Variants in NALCN observed in about 807,000 individuals in gnomAD.
NALCN encodes the protein sodium leak channel, non-selective.
Under a neutral mutation model 225.3 loss-of-function variants are expected in NALCN, and 111 were observed. The observed-to-expected ratio is 0.49, with a 90% CI of 0.42 to 0.58. The LOEUF is 0.58. Among genes scored for constraint, NALCN ranks in the 20% least tolerant of loss-of-function variants. NALCN has a pLI of 0.00. For missense variants in NALCN, 1,378 were observed against 2,202.4 expected, an observed-to-expected ratio of 0.63 and a Z score of 7.49; for synonymous variants, 764 against 769.0, an observed-to-expected ratio of 0.99 and a Z score of 0.11.
chr13:101,413,923 C>T lies in NALCN; in HGVS notation c.-40+2390G>A, dbSNP rs566470687. Among the ~76,000 whole-genome samples, 24 of 152,254 alleles carry T rather than the reference C, an allele frequency of 1.6e-4. No homozygotes were observed. In the East Asian group the frequency reaches 3.3e-3, roughly 21 times the overall value. Reference sequence around the variant, plus strand: ...AACAGAGTCTCACTCTGTGCCCAGTCGCCCATTCTAGAGTACAGTGGTGCC... The same window carrying T: ...AACAGAGTCTCACTCTGTGCCCAGTTGCCCATTCTAGAGTACAGTGGTGCC... On this transcript the variant is annotated intron_variant, in intron 1 of 43. Transcript: ENST00000251127.
chr13:101,365,157 T>C (rs1034293362), intron 6 of NALCN, among the ~76,000 whole-genome samples: 15 of 152,148 alleles, frequency 9.9e-5, no homozygotes, highest in Admixed American at 3.3e-4. Flanking sequence ...CTAATAAGCA[T>C]AGCACCCGAT....
At chr13:101,191,016 A>G (rs1237706398) in intron 14 of NALCN, among the ~76,000 whole-genome samples, 1 of 152,206 alleles carries the variant, frequency 6.6e-6, no homozygotes. Flanking sequence ...ATCATCTGTT[A>G]ACTGGGAATA....
At chr13:101,407,093 C>G (rs1353727798) in intron 1 of NALCN, among the ~76,000 whole-genome samples, 1 of 152,072 alleles carries the variant, frequency 6.6e-6, no homozygotes, top group Non-Finnish European at 1.5e-5. Flanking sequence ...TCTGTCATAC[C>G]CAAAATCCAA....
intron 7 of NALCN, among the ~76,000 whole-genome samples, chr13:101,302,570 T>G (rs1043746285): frequency 6.6e-6 from 1 of 152,188 alleles, no homozygotes; most frequent in African/African-American, 2.4e-5. Flanking sequence ...AAGTTCTTAT[T>G]TGTATTACGA....
At chr13:101,251,273 T>A (rs2140192261) in intron 11 of NALCN, among the ~76,000 whole-genome samples, 1 of 152,198 alleles carries the variant, frequency 6.6e-6, no homozygotes. Context: ...ACAAATAAAT[T>A]CATGCTTCAA....
rs749996043 is a variant in NALCN at position 101,062,006 on chromosome 13, G to A, written c.4717C>T (p.Arg1573Cys). 4.3e-6 allele frequency: 7 copies of A among 1,613,910 alleles called. No homozygotes were observed. The highest frequency in any genetic ancestry group is 1.1e-5 in the South Asian group (1 of 91,072). ...IEEEVAKQTI[R>C]MWLKKCLKRI... ...TTCAGGCACTTCTTGAGCCACATGCGGATGGTCTGCTTGGCCACCTCCTCC... is the reference window on the plus strand; with the variant it reads ...TTCAGGCACTTCTTGAGCCACATGCAGATGGTCTGCTTGGCCACCTCCTCC... Residue 1573 changes from arginine to cysteine, a missense_variant, in exon 41 of 44, where the codon CGC (arginine) becomes TGC (cysteine). Coordinates refer to ENST00000251127, the MANE Select transcript of NALCN (RefSeq NM_052867.4).
At chr13:101,140,617 A>T (rs1313422049) in intron 17 of NALCN, among the ~76,000 whole-genome samples, 1 of 152,238 alleles carries the variant, frequency 6.6e-6, no homozygotes, top group Non-Finnish European at 1.5e-5. Context: ...TAGTCCACGC[A>T]AACTGCAATT....
At chr13:101,214,484 T>TCA (rs1284890041) in intron 13 of NALCN, among the ~76,000 whole-genome samples, 12 of 151,094 alleles carry the variant, frequency 7.9e-5, no homozygotes, top group Admixed American at 5.9e-4. Context: ...CATGGAGTAC[T>TCA]GTTTCTTCTT....
chr13:101,251,696 G>A lies in NALCN; in HGVS notation c.1266+6747C>T, dbSNP rs1052343632. Among the ~76,000 whole-genome samples the A allele has an allele frequency of 1.5e-4, 23 of 152,002 alleles. 1 individual carries two copies. The highest frequency in any genetic ancestry group is 5.9e-5 in the Non-Finnish European group (4 of 67,982). On this transcript the variant is annotated intron_variant, in intron 11 of 43. Coordinates refer to ENST00000251127, the MANE Select transcript of NALCN (RefSeq NM_052867.4). Reference sequence around the variant, plus strand: ...AAAATAATCATATTAATACACAAAGGCTAATGGTTGCTTCTGACATCATAG... The same window carrying A: ...AAAATAATCATATTAATACACAAAGACTAATGGTTGCTTCTGACATCATAG...
At chr13:101,392,090 C>A (rs1325024907) in intron 3 of NALCN, among the ~76,000 whole-genome samples, 1 of 151,572 alleles carries the variant, frequency 6.6e-6, no homozygotes, top group Non-Finnish European at 1.5e-5. Context: ...CAAAGGAACC[C>A]CCACAAAAAC....
In NALCN at chr13:101,089,807, G is replaced by A; in HGVS notation, c.3390+39C>T. On this transcript the variant is annotated intron_variant, in intron 29 of 43. Coordinates refer to ENST00000251127, the MANE Select transcript of NALCN (RefSeq NM_052867.4). This position sits in a 1 kb window ranked among gnomAD's most constrained non-coding sequence, Gnocchi z 4.7. ...TTATTCATCAAAACAAATGAAAGCT[G>A]CTCTTGAAGTGTTCAAAGGATTCGA... 1 of 1,613,946 alleles carries A rather than the reference G, an allele frequency of 6.2e-7. No homozygotes were observed. Among genetic ancestry groups the A allele is most frequent in the South Asian group, 1.1e-5 (1 of 91,058 alleles).
intron 1 of NALCN, among the ~76,000 whole-genome samples, chr13:101,408,219 G>A (rs1232814707): frequency 1.3e-5 from 2 of 152,144 alleles, no homozygotes; most frequent in South Asian, 2.1e-4. Flanking sequence ...CCAAGTTCCT[G>A]CCTATTCCAC....
intron 6 of NALCN, among the ~76,000 whole-genome samples, chr13:101,366,801 GT>G (rs1192917947): frequency 6.6e-6 from 1 of 152,036 alleles, no homozygotes; most frequent in African/African-American, 2.4e-5. Context: ...TACTTTCTTA[GT>G]TATGTTGACA....
At chr13:101,365,446 A>G (rs2046355094) in intron 6 of NALCN, among the ~76,000 whole-genome samples, 1 of 152,210 alleles carries the variant, frequency 6.6e-6, no homozygotes, top group Non-Finnish European at 1.5e-5. Flanking sequence ...AATTTATAAG[A>G]CAATACTTCA....
intron 17 of NALCN, among the ~76,000 whole-genome samples, chr13:101,134,555 CTT>C (rs1207125388): frequency 3.3e-5 from 5 of 152,048 alleles, no homozygotes; most frequent in African/African-American, 1.2e-4. Flanking sequence ...CTTTTTCTAT[CTT>C]ATATATTTTA....
intron 10 of NALCN, among the ~76,000 whole-genome samples, chr13:101,260,277 T>G (rs1594549612): frequency 2.0e-5 from 3 of 152,350 alleles, no homozygotes; most frequent in African/African-American, 7.2e-5. Context: ...ATTCGTCTGT[T>G]GATGGACACT....
At chr13:101,242,045 C>T (rs2041776290) in intron 11 of NALCN, among the ~76,000 whole-genome samples, 1 of 106,496 alleles carries the variant, frequency 9.4e-6, no homozygotes, top group Non-Finnish European at 2.1e-5. Context: ...GCACACTCTG[C>T]TGAACATTTA....
At chr13:101,253,801 G>A (rs1170047429) in intron 11 of NALCN, among the ~76,000 whole-genome samples, 9 of 152,120 alleles carry the variant, frequency 5.9e-5, no homozygotes, top group Non-Finnish European at 1.5e-5. Flanking sequence ...TTTCAGAGTT[G>A]AGTAGTTGAG....
At chr13:101,410,183 G>A (rs117406883) in intron 1 of NALCN, among the ~76,000 whole-genome samples, 3,528 of 152,272 alleles carry the variant, frequency 0.023, 64 homozygotes, top group South Asian at 0.045. Flanking sequence ...CTCAAGCTGA[G>A]GCCTCCTTCA....
Sources: gnomAD v4.1 joint callset for allele counts (sites outside exome capture counted in the v4.1 genomes callset) on GRCh38, gnomAD v4.1.1 for gene constraint, Gnocchi (gnomAD v3.1) non-coding constraint, MANE v1.5 for transcripts, NCBI Gene and HGNC (gene_info 2026-07-23, HGNC 2026-07-21) for gene names.